Variants in RAD51B observed in about 807,000 individuals in gnomAD.
RAD51B encodes the protein DNA repair protein RAD51 homolog 2.
In RAD51B, 38 loss-of-function variants were observed where a neutral mutation model predicts 42.2. The observed-to-expected ratio is 0.90, with a 90% CI of 0.70 to 1.18. The LOEUF (loss-of-function observed/expected upper bound fraction) is 1.18, where lower values mean the gene tolerates loss of function less well. Ranked by LOEUF, RAD51B falls within the 50% of genes most tolerant of loss-of-function variation. RAD51B has a pLI of 0.00. For synonymous variants in RAD51B, 154 were observed against 145.2 expected (o/e 1.06, Z -0.43); for missense variants, 373 against 400.7 (o/e 0.93, Z 0.59).
At chr14:68,272,661 ATATATTTTTTTTTTTTTTTTT>A (rs2081138117) in intron 7 of RAD51B, among the ~76,000 whole-genome samples, 1 of 16,864 alleles carries the variant, frequency 5.9e-5, no homozygotes, top group African/African-American at 2.7e-4. Context: ...ATATATATAT[ATATATTTTTTTTTTTTTTTTT>A]TTTTTTTTTT....
intron 5 of RAD51B, among the ~76,000 whole-genome samples, chr14:67,876,967 C>A (rs1220735629): frequency 6.6e-6 from 1 of 152,158 alleles, no homozygotes; most frequent in East Asian, 1.9e-4. Flanking sequence ...GGTAGCTTTT[C>A]TGACAGCATG....
chr14:68,081,691 C>T (rs542324246), intron 7 of RAD51B, among the ~76,000 whole-genome samples: 40 of 152,292 alleles, frequency 2.6e-4, no homozygotes, highest in Admixed American at 1.3e-3. Context: ...TTGTCCCCGT[C>T]GCAGGGCATG....
At chr14:68,081,466 G>C (rs1017879350) in intron 7 of RAD51B, among the ~76,000 whole-genome samples, 1 of 152,210 alleles carries the variant, frequency 6.6e-6, no homozygotes, top group Non-Finnish European at 1.5e-5. Context: ...GGAGAAGAGT[G>C]AGGGCGGAGT....
chr14:68,113,282 A>G (rs2077487678), intron 7 of RAD51B, among the ~76,000 whole-genome samples: 1 of 152,128 alleles, frequency 6.6e-6, no homozygotes, highest in Non-Finnish European at 1.5e-5. Context: ...TAAGAATTTT[A>G]CCCATCGAAG....
At chr14:68,601,932 C>G (rs1429279800) in intron 10 of RAD51B, among the ~76,000 whole-genome samples, 1 of 152,138 alleles carries the variant, frequency 6.6e-6, no homozygotes, top group African/African-American at 2.4e-5. Flanking sequence ...CATTACTGCC[C>G]TATTTCTCTT....
chr14:67,963,200 A>G (rs968593379), intron 7 of RAD51B, among the ~76,000 whole-genome samples: 1 of 152,038 alleles, frequency 6.6e-6, no homozygotes, highest in Non-Finnish European at 1.5e-5. Context: ...TCCATTATCT[A>G]TGTGTATATG....
intron 11 of RAD51B, among the ~76,000 whole-genome samples, chr14:68,662,415 T>G (rs374517893): frequency 6.6e-6 from 1 of 152,390 alleles, no homozygotes. Flanking sequence ...TTATCCAAGA[T>G]GTCAGCTGCC....
intron 10 of RAD51B, among the ~76,000 whole-genome samples, chr14:68,591,639 G>A (rs1418590842): frequency 2.0e-5 from 3 of 152,130 alleles, no homozygotes; most frequent in South Asian, 2.1e-4. Flanking sequence ...GGCCGGTGGC[G>A]TGGGGGAGTT....
At position 68,088,866 on chromosome 14, in the gene RAD51B, A is replaced by G. The variant is rs1335579061; in HGVS notation, c.756+201662A>G. On this transcript the variant is annotated intron_variant, in intron 7 of 10. Transcript: ENST00000471583. Reference sequence around the variant, plus strand: ...GCAATTAAAACTTTGAACACCTTAAATGCCCTTCCTAATTAAGTGGTGAGG... The same window carrying G: ...GCAATTAAAACTTTGAACACCTTAAGTGCCCTTCCTAATTAAGTGGTGAGG... Among the ~76,000 whole-genome samples the G allele has an allele frequency of 3.3e-5, 5 of 152,222 alleles. No individual in the cohort carries two copies. In the East Asian group the frequency reaches 9.6e-4, roughly 29 times the overall value.
intron 7 of RAD51B, among the ~76,000 whole-genome samples, chr14:68,167,601 C>T (rs2140845776): frequency 6.6e-6 from 1 of 152,216 alleles, no homozygotes; most frequent in African/African-American, 2.4e-5. Context: ...TCAAGTTCTA[C>T]TCCCTTTTCA....
intron 10 of RAD51B, among the ~76,000 whole-genome samples, chr14:68,521,773 C>G (rs1886598821): frequency 6.6e-6 from 1 of 152,190 alleles, no homozygotes; most frequent in Non-Finnish European, 1.5e-5. Context: ...GTCTTGAAAA[C>G]CTCCAGAATT....
At chr14:68,609,708 C>T (rs1891600418) in intron 10 of RAD51B, among the ~76,000 whole-genome samples, 2 of 152,142 alleles carry the variant, frequency 1.3e-5, no homozygotes, top group African/African-American at 4.8e-5. Flanking sequence ...CTCAGCACAC[C>T]ATCTCTGCTC....
intron 7 of RAD51B, among the ~76,000 whole-genome samples, chr14:68,119,023 C>A (rs1178723443): frequency 6.6e-6 from 1 of 151,930 alleles, no homozygotes; most frequent in East Asian, 1.9e-4. Context: ...GTTGTGCGAT[C>A]ATGGCTCACT....
chr14:68,236,019 G>C (rs1258486070), intron 7 of RAD51B, among the ~76,000 whole-genome samples: 5 of 152,076 alleles, frequency 3.3e-5, no homozygotes, highest in Non-Finnish European at 7.4e-5. Context: ...TAAACATATA[G>C]ACACAAAGAA....
At chr14:68,395,932 G>A (rs944994521) in intron 8 of RAD51B, among the ~76,000 whole-genome samples, 3 of 152,186 alleles carry the variant, frequency 2.0e-5, no homozygotes, top group African/African-American at 7.2e-5. Flanking sequence ...AGCAAGACGA[G>A]TCCGTGGTAA....
At chr14:68,175,075 A>T (rs1022932400) in intron 7 of RAD51B, among the ~76,000 whole-genome samples, 5 of 152,202 alleles carry the variant, frequency 3.3e-5, no homozygotes, top group African/African-American at 1.2e-4. Context: ...ACTATCAATG[A>T]CATAAAGCAA....
intron 10 of RAD51B, among the ~76,000 whole-genome samples, chr14:68,523,024 C>T (rs2140333650): frequency 6.6e-6 from 1 of 152,294 alleles, no homozygotes; most frequent in African/African-American, 2.4e-5. Context: ...TAGAATGCTT[C>T]CCCTTCAGCT....
chr14:68,371,228 G>C (rs2083257212), intron 8 of RAD51B, among the ~76,000 whole-genome samples: 2 of 151,230 alleles, frequency 1.3e-5, no homozygotes, highest in Non-Finnish European at 3.0e-5. Flanking sequence ...TAAGAGTTCT[G>C]TCCTAGAGGG....
intron 7 of RAD51B, among the ~76,000 whole-genome samples, chr14:68,053,669 T>A (rs1397681299): frequency 6.6e-6 from 1 of 152,198 alleles, no homozygotes; most frequent in Non-Finnish European, 1.5e-5. Flanking sequence ...CATACTGAAG[T>A]CAGACTTTTC....
Sources: allele counts gnomAD v4.1 joint callset (sites outside exome capture counted in the v4.1 genomes callset), GRCh38; gene constraint gnomAD v4.1.1; transcripts MANE v1.5; gene names NCBI Gene and HGNC (gene_info 2026-07-23, HGNC 2026-07-21).